PXT1: variants seen among roughly 807,000 people sequenced by gnomAD.
The protein encoded by PXT1 is peroxisomal testis-specific protein 1.
In PXT1, 11 loss-of-function variants were observed where a neutral mutation model predicts 11.0. The ratio of observed to expected loss-of-function variants is 1.00; its 90% CI spans 0.63 to 1.66. PXT1 has a LOEUF of 1.66. Among genes scored for constraint, PXT1 ranks in the 40% most tolerant of loss-of-function variants. PXT1 has a pLI of 0.00. For missense variants in PXT1, 141 were observed against 155.5 expected, an observed-to-expected ratio of 0.91 and a Z score of 0.49; for synonymous variants, 43 against 51.4, an observed-to-expected ratio of 0.84 and a Z score of 0.70.
chr6:36,432,984 C>T (rs1480265438), intron 2 of PXT1, among the ~76,000 whole-genome samples: 1 of 151,296 alleles, frequency 6.6e-6, no homozygotes, highest in African/African-American at 2.4e-5. Context: ...TGGTGGCTCC[C>T]ATAGAAAAAG....
intron 2 of PXT1, among the ~76,000 whole-genome samples, chr6:36,427,149 C>T (rs62402163): frequency 0.059 from 8,937 of 151,626 alleles, 449 homozygotes; most frequent in African/African-American, 0.14. Flanking sequence ...ACTACAGGTG[C>T]GTGCCACCAT....
chr6:36,432,993 A>C (rs1039506818), intron 2 of PXT1, among the ~76,000 whole-genome samples: 2 of 152,156 alleles, frequency 1.3e-5, no homozygotes, highest in Non-Finnish European at 2.9e-5. Context: ...CCATAGAAAA[A>C]GCCTCCAGTG....
intron 1 of PXT1, among the ~76,000 whole-genome samples, chr6:36,440,247 G>A (rs140105475): frequency 7.9e-4 from 120 of 152,302 alleles, no homozygotes; most frequent in Middle Eastern, 6.8e-3. Flanking sequence ...ATTTACAATA[G>A]CTATTATTTA....
chr6:36,396,669 T>A (rs1774148343), intron 4 of PXT1, among the ~76,000 whole-genome samples: 1 of 152,168 alleles, frequency 6.6e-6, no homozygotes, highest in African/African-American at 2.4e-5. Flanking sequence ...GGCCCACCCA[T>A]GGCCACCCAT....
chr6:36,407,599 G>A (rs1023953058), intron 3 of PXT1, among the ~76,000 whole-genome samples: 37 of 151,370 alleles, frequency 2.4e-4, no homozygotes, highest in African/African-American at 8.0e-4. Context: ...TTTTGAGATG[G>A]AGTCTCATGT....
intron 4 of PXT1, among the ~76,000 whole-genome samples, chr6:36,394,664 A>C (rs12663882): frequency 0.25 from 38,538 of 151,580 alleles, 4,948 homozygotes; most frequent in East Asian, 0.39. Flanking sequence ...TCTAAAAGTG[A>C]TGAGAAGCCT....
At chr6:36,431,202 C>A (rs1027638283) in intron 2 of PXT1, among the ~76,000 whole-genome samples, 2 of 152,062 alleles carry the variant, frequency 1.3e-5, no homozygotes, top group Non-Finnish European at 2.9e-5. Context: ...GGGCTCTTGT[C>A]CATAGCAATA....
chr6:36,425,600 C>T (rs1479191514), intron 3 of PXT1, among the ~76,000 whole-genome samples: 1 of 151,854 alleles, frequency 6.6e-6, no homozygotes, highest in Non-Finnish European at 1.5e-5. Context: ...GCCTGGCCAA[C>T]ATGGTGAAAC....
chr6:36,429,002 T>G (rs1486308545), intron 2 of PXT1, among the ~76,000 whole-genome samples: 1 of 151,830 alleles, frequency 6.6e-6, no homozygotes, highest in Admixed American at 6.6e-5. Flanking sequence ...TGGTGTGGCT[T>G]ATGCCTGGAA....
intron 2 of PXT1, among the ~76,000 whole-genome samples, chr6:36,436,537 C>T (rs1218792758): frequency 6.6e-6 from 1 of 152,130 alleles, no homozygotes; most frequent in African/African-American, 2.4e-5. Context: ...CCAGAGAGCA[C>T]CAGCACGGAA....
intron 3 of PXT1, among the ~76,000 whole-genome samples, chr6:36,422,961 G>A (rs1774543807): frequency 6.6e-6 from 1 of 152,144 alleles, no homozygotes; most frequent in African/African-American, 2.4e-5. Context: ...TTCCCCAGGA[G>A]TTTCTAATTT....
intron 3 of PXT1, among the ~76,000 whole-genome samples, chr6:36,407,424 A>C (rs1030076692): frequency 6.6e-6 from 1 of 152,226 alleles, no homozygotes; most frequent in Non-Finnish European, 1.5e-5. Flanking sequence ...CCAAGTATTA[A>C]AATTTTAATA....
At chr6:36,429,503 CTTTTCTTT>C (rs1475045364) in intron 2 of PXT1, among the ~76,000 whole-genome samples, 1 of 104,256 alleles carries the variant, frequency 9.6e-6, no homozygotes, top group Non-Finnish European at 1.8e-5. Flanking sequence ...TTCTTTTTTT[CTTTTCTTT>C]TTTTTTTTTT....
intron 4 of PXT1, among the ~76,000 whole-genome samples, chr6:36,399,974 C>T (rs911104375): frequency 6.6e-6 from 1 of 152,186 alleles, no homozygotes; most frequent in Non-Finnish European, 1.5e-5. Context: ...TTTTAAAATG[C>T]CAGGTTCCCA....
chr6:36,421,199 G>C (rs1249250809), intron 3 of PXT1, among the ~76,000 whole-genome samples: 2 of 152,120 alleles, frequency 1.3e-5, no homozygotes, highest in East Asian at 1.9e-4. Context: ...GCCAGGTGTG[G>C]CTGACGCCTG....
intron 3 of PXT1, among the ~76,000 whole-genome samples, chr6:36,415,369 G>A (rs557881472): frequency 1.6e-4 from 24 of 152,248 alleles, no homozygotes; most frequent in African/African-American, 5.5e-4. Flanking sequence ...ACTTGAACCT[G>A]GGAGGCGGAG....
At chr6:36,404,171 T>G (rs1774254541) in intron 3 of PXT1, among the ~76,000 whole-genome samples, 1 of 152,180 alleles carries the variant, frequency 6.6e-6, no homozygotes, top group South Asian at 2.1e-4. Context: ...AAAGGCATAT[T>G]TCAAGTCTTG....
At chr6:36,416,419 C>T (rs1450301283) in intron 3 of PXT1, among the ~76,000 whole-genome samples, 3 of 152,138 alleles carry the variant, frequency 2.0e-5, no homozygotes, top group Non-Finnish European at 4.4e-5. Context: ...CCTTATTCCT[C>T]CCCAAAACAG....
chr6:36,417,987 G>T (rs1280759960), intron 3 of PXT1, among the ~76,000 whole-genome samples: 1 of 151,680 alleles, frequency 6.6e-6, no homozygotes, highest in Non-Finnish European at 1.5e-5. Flanking sequence ...ACAAGGTCAG[G>T]AGATCGAGAC....
Sources: gnomAD v4.1 joint callset for allele counts (sites outside exome capture counted in the v4.1 genomes callset) on GRCh38, gnomAD v4.1.1 for gene constraint, MANE v1.5 for transcripts, NCBI Gene and HGNC (gene_info 2026-07-23, HGNC 2026-07-21) for gene names.